Variants in OCA2 observed in about 807,000 individuals in gnomAD.
OCA2 encodes P protein.
In OCA2, 77 loss-of-function variants were observed where a neutral mutation model predicts 100.2. That is an observed-to-expected ratio of 0.77 (90% CI 0.64 to 0.93). The LOEUF (loss-of-function observed/expected upper bound fraction) is 0.93. OCA2 is among the 40% of genes least tolerant of loss of function. The probability of loss-of-function intolerance (pLI) is 0.00; values close to 1 mark genes in which losing one functional copy is unlikely to be tolerated. For missense variants in OCA2, 1,062 were observed against 1,089.1 expected, an observed-to-expected ratio of 0.98 and a Z score of 0.35; for synonymous variants, 432 against 439.2, an observed-to-expected ratio of 0.98 and a Z score of 0.21.
At chr15:27,959,555 G>C (rs1365044373) in intron 15 of OCA2, among the ~76,000 whole-genome samples, 5 of 152,170 alleles carry the variant, frequency 3.3e-5, no homozygotes, top group Admixed American at 3.3e-4. Context: ...AAGGCATCAC[G>C]GTGAAGGGCC....
intron 2 of OCA2, among the ~76,000 whole-genome samples, chr15:28,074,675 A>AAC (rs2044374988): frequency 3.7e-5 from 4 of 107,984 alleles, no homozygotes; most frequent in African/African-American, 1.9e-4. Flanking sequence ...CTCCGTCTCA[A>AAC]AAAAAAAAAA....
intron 1 of OCA2, among the ~76,000 whole-genome samples, chr15:28,083,326 G>A (rs377379340): frequency 6.6e-6 from 1 of 152,176 alleles, no homozygotes; most frequent in Non-Finnish European, 1.5e-5. Context: ...CATGACATTC[G>A]AAGAAACCTG....
Position 28,014,859 on chromosome 15 carries a change from G to C in OCA2, c.961C>G (p.Gln321Glu), listed in dbSNP as rs542587081. 1.9e-6 allele frequency: 3 copies of C among 1,614,150 alleles called. No homozygotes were observed. Among genetic ancestry groups the C allele is most frequent in the Admixed American group, 1.7e-5 (1 of 60,026 alleles). Residue 321 changes from glutamine to glutamate, a missense_variant, in exon 9 of 24, where the codon CAG (glutamine) becomes GAG (glutamate). Coordinates refer to ENST00000354638, the MANE Select transcript of OCA2 (RefSeq NM_000275.3). ...TQAVPLLMAH[Q>E]YLRGSVETQV... Reference sequence around the variant, plus strand: ...GTTTCTACACTTCCGCGGAGGTACTGATGAGCCATCAAAAGAGGGACAGCC... The same window carrying C: ...GTTTCTACACTTCCGCGGAGGTACTCATGAGCCATCAAAAGAGGGACAGCC...
At chr15:28,020,333 G>A (rs2042554340) in intron 6 of OCA2, among the ~76,000 whole-genome samples, 1 of 152,206 alleles carries the variant, frequency 6.6e-6, no homozygotes, top group South Asian at 2.1e-4. Context: ...GACCTAAGCT[G>A]CTGTGCTCGC....
In OCA2 at chr15:27,851,431, C is replaced by A. The variant is rs773827519; in HGVS notation, c.2289G>T (p.Leu763=). 4.3e-6 allele frequency: 7 copies of A among 1,613,982 alleles called. No homozygotes were observed. In the Admixed American group the frequency reaches 1.0e-4, roughly 23 times the overall value. The change falls in exon 22 of 24, where the codon CTG becomes CTT. Residue 763 remains leucine (L), a synonymous_variant. Transcript: ENST00000354638. The part of the protein sequence containing the change: ...LNLSHDPEVG[L]PAPPLMYALA... Reference sequence around the variant, plus strand: ...GGGCATACATGAGCGGCGGTGCGGGCAGGCCAACCTCAGGGTCGTGGCTCA... The same window carrying A: ...GGGCATACATGAGCGGCGGTGCGGGAAGGCCAACCTCAGGGTCGTGGCTCA...
chr15:28,003,905 G>A lies in OCA2; in HGVS notation c.1044+10871C>T, dbSNP rs374842451. Among the ~76,000 whole-genome samples the A allele has an allele frequency of 1.1e-3, 172 of 152,350 alleles. 6 individuals are homozygous for A. In the South Asian group the frequency reaches 0.033, roughly 29 times the overall value. ...CGTCATGCTCCGGCCTACGCCCCGA[G>A]CGGGGAAAGGTGACCTGAGAGTGAT... is the stretch of plus-strand genomic sequence containing the variant. On this transcript the variant is annotated intron_variant, in intron 9 of 23. Coordinates refer to ENST00000354638, the MANE Select transcript of OCA2 (RefSeq NM_000275.3).
intron 23 of OCA2, among the ~76,000 whole-genome samples, chr15:27,842,101 C>T (rs2035363111): frequency 6.6e-6 from 1 of 152,194 alleles, no homozygotes; most frequent in South Asian, 2.1e-4. Flanking sequence ...AACCTCAATG[C>T]CTCAATGTAA....
intron 23 of OCA2, among the ~76,000 whole-genome samples, chr15:27,798,252 A>G (rs750369919): frequency 1.6e-4 from 24 of 152,198 alleles, no homozygotes; most frequent in Non-Finnish European, 2.6e-4. Context: ...CTTGGCTCAC[A>G]GGAGGCTGAC....
intron 2 of OCA2, among the ~76,000 whole-genome samples, chr15:28,047,044 A>G (rs55846160): frequency 0.064 from 9,741 of 151,840 alleles, 1,037 homozygotes; most frequent in African/African-American, 0.22. Context: ...GCCAGCACAC[A>G]CTCCCATGCC....
At chr15:28,066,414 G>C (rs549417452) in intron 2 of OCA2, among the ~76,000 whole-genome samples, 1 of 152,082 alleles carries the variant, frequency 6.6e-6, no homozygotes, top group Non-Finnish European at 1.5e-5. Context: ...ATGGGAGAGG[G>C]GGGTGGGAGG....
At chr15:27,963,036 C>T (rs1031625968) in intron 15 of OCA2, among the ~76,000 whole-genome samples, 6 of 152,074 alleles carry the variant, frequency 3.9e-5, no homozygotes, top group African/African-American at 1.4e-4. Flanking sequence ...TATCATGGAT[C>T]GCAAAGATTG....
intron 2 of OCA2, among the ~76,000 whole-genome samples, chr15:28,032,910 G>A (rs187132499): frequency 9.9e-5 from 15 of 152,134 alleles, no homozygotes; most frequent in African/African-American, 2.7e-4. Context: ...TCCTAATGGC[G>A]TCCATTGGAA....
intron 14 of OCA2, among the ~76,000 whole-genome samples, chr15:27,977,975 G>A (rs2041024331): frequency 6.6e-6 from 1 of 152,188 alleles, no homozygotes; most frequent in Non-Finnish European, 1.5e-5. Flanking sequence ...AAGCTGCCCA[G>A]TCTATGGTAT....
At chr15:27,845,392 G>C (rs530007407) in intron 22 of OCA2, among the ~76,000 whole-genome samples, 3 of 152,148 alleles carry the variant, frequency 2.0e-5, no homozygotes, top group Non-Finnish European at 4.4e-5. Flanking sequence ...CAGAACGTGT[G>C]TCCCTCAGGA....
intron 6 of OCA2, among the ~76,000 whole-genome samples, chr15:28,021,360 C>T (rs1394691287): frequency 2.0e-5 from 3 of 152,144 alleles, no homozygotes; most frequent in African/African-American, 7.2e-5. Flanking sequence ...ATCAGTTAAC[C>T]GCCCACTCCT....
At chr15:27,953,322 T>A (rs1013948630) in intron 17 of OCA2, among the ~76,000 whole-genome samples, 10 of 152,048 alleles carry the variant, frequency 6.6e-5, no homozygotes, top group African/African-American at 2.4e-4. Flanking sequence ...ACACAGCCCC[T>A]CCTCTATGTG....
chr15:27,885,942 A>C (rs2037205471), intron 19 of OCA2, among the ~76,000 whole-genome samples: 1 of 152,214 alleles, frequency 6.6e-6, no homozygotes, highest in South Asian at 2.1e-4. Context: ...GTCATAGGTA[A>C]TAATCTGTTG....
intron 19 of OCA2, among the ~76,000 whole-genome samples, chr15:27,890,321 G>A (rs911170059): frequency 3.3e-5 from 5 of 152,102 alleles, no homozygotes; most frequent in African/African-American, 1.2e-4. Flanking sequence ...TCCCAATTTG[G>A]CAAAAGACAC....
In OCA2 at chr15:28,043,091, G is replaced by A. The variant is rs1432528152; in HGVS notation, c.228-10928C>T. 6.6e-6 allele frequency among the ~76,000 whole-genome samples: 1 copy of A among 152,268 alleles called. No homozygotes were observed. Among genetic ancestry groups the A allele is most frequent in the Middle Eastern group, 3.4e-3 (1 of 294 alleles). On this transcript the variant is annotated intron_variant, in intron 2 of 23. Coordinates refer to ENST00000354638, the MANE Select transcript of OCA2 (RefSeq NM_000275.3). This position sits in a 1 kb window ranked among gnomAD's most constrained non-coding sequence, Gnocchi z 4.4. The stretch of plus-strand genomic sequence containing the variant: ...TGAATATAAATGGATATTAATAATT[G>A]GCAAAAAAGTATAATCATATGCCCC...
Sources: allele counts gnomAD v4.1 joint callset (sites outside exome capture counted in the v4.1 genomes callset), GRCh38; gene constraint gnomAD v4.1.1; non-coding constraint Gnocchi (gnomAD v3.1); transcripts MANE v1.5; gene names NCBI Gene and HGNC (gene_info 2026-07-23, HGNC 2026-07-21).